HMCN1: variants seen among roughly 807,000 people sequenced by gnomAD.
HMCN1 encodes the protein hemicentin 1.
A neutral mutation model predicts 625.9 loss-of-function variants in HMCN1; 321 were observed. The observed-to-expected ratio is 0.51, with a 90% CI of 0.47 to 0.56. HMCN1 has a LOEUF of 0.56. Among genes scored for constraint, HMCN1 ranks in the 20% least tolerant of loss-of-function variants. The pLI, the probability that HMCN1 is intolerant of heterozygous loss-of-function variation, is 0.00. For missense variants in HMCN1, 6,588 were observed against 6,887.3 expected (o/e 0.96, Z 1.54); for synonymous variants, 2,425 against 2,417.6 (o/e 1.00, Z -0.09).
At chr1:185,953,248 G>C (rs1649369096) in intron 11 of HMCN1, among the ~76,000 whole-genome samples, 1 of 151,744 alleles carries the variant, frequency 6.6e-6, no homozygotes, top group Non-Finnish European at 1.5e-5. Flanking sequence ...AAGCAGAGAA[G>C]GGGTAGAGAG....
At chr1:185,924,331 C>T (rs193117248) in intron 8 of HMCN1, among the ~76,000 whole-genome samples, 72 of 146,678 alleles carry the variant, frequency 4.9e-4, no homozygotes, top group African/African-American at 1.7e-3. Context: ...CCCGGGTTCA[C>T]GTCATTCTCC....
At position 185,863,100 on chromosome 1, in the gene HMCN1, A is replaced by C. The variant is rs532653807; in HGVS notation, c.340-1370A>C. On this transcript the variant is annotated intron_variant, in intron 2 of 106. Coordinates refer to ENST00000271588, the MANE Select transcript of HMCN1 (RefSeq NM_031935.3). ...ACTGTTGGAGCCTGCTGAAAGACCC[A>C]ATAGGAAAATCAAATAGGATTTCCA... Among the ~76,000 whole-genome samples, 3 of 152,292 alleles carry C rather than the reference A, an allele frequency of 2.0e-5. No homozygotes were observed. The South Asian group carries it at 6.2e-4, about 32-fold the overall frequency.
intron 46 of HMCN1, among the ~76,000 whole-genome samples, chr1:186,060,419 G>T (rs1422811528): frequency 6.6e-6 from 1 of 152,066 alleles, no homozygotes; most frequent in South Asian, 2.1e-4. Context: ...TGGTGCCCAG[G>T]ACTTTGTTCT....
chr1:185,760,539 A>G (rs1204187090), intron 1 of HMCN1, among the ~76,000 whole-genome samples: 1 of 152,202 alleles, frequency 6.6e-6, no homozygotes, highest in Non-Finnish European at 1.5e-5. Context: ...TATTCATTAA[A>G]TATTTATTGA....
chr1:185,787,186 C>CG lies in HMCN1; in HGVS notation c.268+52140dup, dbSNP rs551324154. Among the ~76,000 whole-genome samples the CG allele has an allele frequency of 1.6e-4, 24 of 148,194 alleles. No individual in the cohort carries two copies. The South Asian group carries it at 4.9e-3, about 30-fold the overall frequency. ...GTGTGTGTGTGTGTGTGTGCATGCA[C>CG]GTGTGTTTTAATGAACAATTGGCCT... On this transcript the variant is annotated intron_variant, in intron 1 of 106. Transcript: ENST00000271588.
rs148645174 is a variant in HMCN1 at position 185,852,896 on chromosome 1, A to G, written c.339+6800A>G. ...AAAATCATTTTCTCAATTTATACTC[A>G]CATAAATATTACTATTTCTTTTTAT... is the stretch of plus-strand genomic sequence containing the variant. On this transcript the variant is annotated intron_variant, in intron 2 of 106. Transcript: ENST00000271588. Among the ~76,000 whole-genome samples the G allele has an allele frequency of 1.7e-3, 260 of 152,224 alleles. 1 individual carries two copies. Among genetic ancestry groups the G allele is most frequent in the Non-Finnish European group, 3.0e-3 (207 of 67,956 alleles).
chr1:185,998,897 A>C (rs1571690225), intron 25 of HMCN1, among the ~76,000 whole-genome samples: 2 of 152,250 alleles, frequency 1.3e-5, no homozygotes, highest in East Asian at 3.9e-4. Flanking sequence ...AATGACTGAG[A>C]TGTAAGGAGA....
At chr1:185,989,753 A>T in intron 21 of HMCN1, 106 bp downstream of exon 21, 1 of 1,017,914 alleles carries the variant, frequency 9.8e-7, no homozygotes, top group Non-Finnish European at 1.5e-6. Context: ...CCTAAAGTGA[A>T]CTGCTCCCCC....
intron 44 of HMCN1, 76 bp from the exon 45 acceptor site, chr1:186,055,317 C>T: frequency 1.5e-6 from 2 of 1,299,396 alleles, no homozygotes; most frequent in African/African-American, 1.5e-5. Flanking sequence ...TTAAGTTTGG[C>T]TGATGAAAAT....
rs147292494 is a variant in HMCN1, at chr1:186,155,166, A to G, written c.15256+1179A>G. On this transcript the variant is annotated intron_variant, in intron 97 of 106. Transcript: ENST00000271588. Reference sequence around the variant, plus strand: ...ATTTTCAGTGTTTACTCTTGCTTCCATCAGTCATGCTTATGACTGTTTCCT... The same window carrying G: ...ATTTTCAGTGTTTACTCTTGCTTCCGTCAGTCATGCTTATGACTGTTTCCT... 9.1e-3 allele frequency among the ~76,000 whole-genome samples: 1,393 copies of G among 152,328 alleles called. 12 individuals are homozygous for G. Among genetic ancestry groups the G allele is most frequent in the Non-Finnish European group, 0.012 (784 of 68,032 alleles).
chr1:185,895,156 G>C (rs1665413482), intron 4 of HMCN1, among the ~76,000 whole-genome samples: 1 of 152,142 alleles, frequency 6.6e-6, no homozygotes, highest in Non-Finnish European at 1.5e-5. Flanking sequence ...GGAAAATAAA[G>C]TTAGAAATAA....
chr1:185,832,672 A>G (rs1292730153), intron 1 of HMCN1, among the ~76,000 whole-genome samples: 1 of 152,188 alleles, frequency 6.6e-6, no homozygotes, highest in African/African-American at 2.4e-5. Flanking sequence ...ATACTTGAAG[A>G]CATCATGAGA....
chr1:185,996,953 A>T (rs867047226), intron 24 of HMCN1, among the ~76,000 whole-genome samples: 12 of 152,242 alleles, frequency 7.9e-5, no homozygotes, highest in Admixed American at 5.9e-4. Flanking sequence ...GTATTCTGGG[A>T]ACTGTGCAGA....
chr1:185,802,240 A>G (rs901446267), intron 1 of HMCN1, among the ~76,000 whole-genome samples: 14 of 152,288 alleles, frequency 9.2e-5, no homozygotes, highest in African/African-American at 2.9e-4. Context: ...TTTCATAGAC[A>G]TGGGAACCAG....
chr1:185,785,209 A>G (rs1657477223), intron 1 of HMCN1, among the ~76,000 whole-genome samples: 1 of 152,178 alleles, frequency 6.6e-6, no homozygotes, highest in Non-Finnish European at 1.5e-5. Flanking sequence ...ATAGGTAGAT[A>G]GGTATTGCCC....
chr1:185,747,930 G>T (rs976873492), intron 1 of HMCN1, among the ~76,000 whole-genome samples: 1 of 152,006 alleles, frequency 6.6e-6, no homozygotes, highest in Non-Finnish European at 1.5e-5. Flanking sequence ...CACCAAAAGT[G>T]TGTCAGGGTA....
chr1:185,892,430 A>G (rs1431167214), intron 4 of HMCN1, among the ~76,000 whole-genome samples: 2 of 151,440 alleles, frequency 1.3e-5, no homozygotes, highest in East Asian at 3.9e-4. Context: ...TTTTTTCCCC[A>G]TCTTTGTGGT....
intron 46 of HMCN1, among the ~76,000 whole-genome samples, chr1:186,059,878 A>T (rs1657573677): frequency 6.6e-6 from 1 of 151,952 alleles, no homozygotes; most frequent in Non-Finnish European, 1.5e-5. Context: ...AAAAAGAGAA[A>T]AGGAGAATCG....
Position 186,103,618 on chromosome 1 carries a change from C to A in HMCN1, c.10720C>A (p.Gln3574Lys). Reference protein sequence around the residue: ...KDGRPLPQTDQVQTLGGGEVL... With the variant: ...KDGRPLPQTDKVQTLGGGEVL... Reference sequence around the variant, plus strand: ...TGGCCGGCCCCTTCCACAGACGGATCAAGTGCAAACTCTAGGAGGAGGAGA... The same window carrying A: ...TGGCCGGCCCCTTCCACAGACGGATAAAGTGCAAACTCTAGGAGGAGGAGA... The change falls in exon 69 of 107, where the codon CAA becomes AAA. Residue 3574 changes from glutamine to lysine, a missense_variant. By Grantham distance (53) the Gln-to-Lys change is moderately conservative (BLOSUM62 1). Around this residue, in one of 3 missense-constraint regions of HMCN1, gnomAD observed 4,628 missense variants for 4,853.1 expected, o/e 0.95. Coordinates refer to ENST00000271588, the MANE Select transcript of HMCN1 (RefSeq NM_031935.3). 6.2e-7 allele frequency: 1 copy of A among 1,613,850 alleles called. No individual in the cohort carries two copies. The highest frequency in any genetic ancestry group is 1.1e-5 in the South Asian group (1 of 91,066).
Sources: gnomAD v4.1 joint callset for allele counts (sites outside exome capture counted in the v4.1 genomes callset) on GRCh38, gnomAD v4.1.1 for gene constraint, gnomAD v4.1.1 regional missense constraint, MANE v1.5 for transcripts, NCBI Gene and HGNC (gene_info 2026-07-23, HGNC 2026-07-21) for gene names.